DHRSX: variants seen among roughly 807,000 people sequenced by gnomAD.
DHRSX encodes dehydrogenase/reductase X-linked, also known as polyprenol dehydrogenase.
A neutral mutation model predicts 34.0 loss-of-function variants in DHRSX; 31 were observed. The ratio of observed to expected loss-of-function variants is 0.91; its 90% confidence interval spans 0.69 to 1.23. The LOEUF (loss-of-function observed/expected upper bound fraction) is 1.23. Among genes scored for constraint, DHRSX ranks in the 50% most tolerant of loss-of-function variants. The probability of loss-of-function intolerance (pLI) is 0.00; values close to 1 mark genes in which losing one functional copy is unlikely to be tolerated. For synonymous variants in DHRSX, 201 were observed against 183.8 expected (o/e 1.09, Z -0.76); for missense variants, 414 against 428.1 (o/e 0.97, Z 0.29).
At chrX:2,417,585 A>C (rs1262499944) in intron 2 of DHRSX, among the ~76,000 whole-genome samples, 1 of 151,938 alleles carries the variant, frequency 6.6e-6, no homozygotes, top group Admixed American at 6.6e-5. Flanking sequence ...GATCTAACCC[A>C]ATTAGACGTC....
chrX:2,490,465 C>G (rs148228932), intron 1 of DHRSX: 22 of 1,613,988 alleles, frequency 1.4e-5, no homozygotes, highest in South Asian at 1.3e-4. Context: ...CTTCACGCAT[C>G]TGCTCCGTGT....
chrX:2,320,907 C>G (rs943803677), intron 3 of DHRSX, among the ~76,000 whole-genome samples: 1 of 152,130 alleles, frequency 6.6e-6, no homozygotes, highest in Non-Finnish European at 1.5e-5. Context: ...TACAGCCTGT[C>G]TGCCTGAGGG....
chrX:2,293,327 G>A (rs1256184917), intron 3 of DHRSX, among the ~76,000 whole-genome samples: 5 of 151,330 alleles, frequency 3.3e-5, no homozygotes, highest in Non-Finnish European at 7.4e-5. Flanking sequence ...AAATTCACAG[G>A]TATATAATTC....
At chrX:2,438,573 C>G (rs1272254240) in intron 1 of DHRSX, among the ~76,000 whole-genome samples, 1 of 151,092 alleles carries the variant, frequency 6.6e-6, no homozygotes, top group Non-Finnish European at 1.5e-5. Context: ...GAGGGTGAGG[C>G]AGGAGAATCG....
intron 3 of DHRSX, among the ~76,000 whole-genome samples, chrX:2,311,750 G>A (rs62593064): frequency 0.14 from 21,725 of 152,108 alleles, 2,057 homozygotes; most frequent in Admixed American, 0.22. Context: ...CTGGGAATGC[G>A]TTGAAACCAT....
intron 6 of DHRSX, among the ~76,000 whole-genome samples, chrX:2,236,947 G>A (rs971150617): frequency 2.6e-5 from 4 of 151,864 alleles, no homozygotes; most frequent in African/African-American, 7.3e-5. Context: ...CCAGCACTTC[G>A]GCAGGCCGAG....
At chrX:2,298,966 C>G (rs1216901361) in intron 3 of DHRSX, among the ~76,000 whole-genome samples, 1 of 100,722 alleles carries the variant, frequency 9.9e-6, no homozygotes, top group Non-Finnish European at 1.8e-5. Context: ...GCCTGGGCAA[C>G]AAGAGTGAAA....
chrX:2,330,051 TGA>T (rs1417813455), intron 3 of DHRSX, among the ~76,000 whole-genome samples: 1 of 92,584 alleles, frequency 1.1e-5, no homozygotes, highest in Non-Finnish European at 2.0e-5. Flanking sequence ...TGAGAGTGAA[TGA>T]GAGAGAAGCA....
intron 2 of DHRSX, among the ~76,000 whole-genome samples, chrX:2,423,306 T>C (rs75897095): frequency 2.0e-5 from 3 of 151,730 alleles, no homozygotes; most frequent in Non-Finnish European, 4.4e-5. Flanking sequence ...CCAGCTACTC[T>C]GGAGGCTGAG....
chrX:2,236,558 A>C (rs2016020304), intron 6 of DHRSX, among the ~76,000 whole-genome samples: 1 of 151,976 alleles, frequency 6.6e-6, no homozygotes, highest in Admixed American at 6.6e-5. Context: ...CAGCCTCCCG[A>C]GTAGCTGGGA....
At chrX:2,488,422 A>C in intron 1 of DHRSX, 3 of 584,640 alleles carry the variant, frequency 5.1e-6, no homozygotes, top group Non-Finnish European at 8.5e-6. Flanking sequence ...TGATCTGCCC[A>C]CCTCGGCCTC....
At chrX:2,496,984 G>A (rs1235674998) in intron 1 of DHRSX, among the ~76,000 whole-genome samples, 1 of 151,760 alleles carries the variant, frequency 6.6e-6, no homozygotes, top group East Asian at 1.9e-4. Context: ...TAAATAGATT[G>A]TTAAATATGT....
chrX:2,375,882 C>T (rs770783677), intron 3 of DHRSX, among the ~76,000 whole-genome samples: 3 of 136,736 alleles, frequency 2.2e-5, no homozygotes, highest in Admixed American at 7.3e-5. Context: ...CCACCTGCCT[C>T]GGCCTCCCAA....
At chrX:2,453,142 C>T (rs750259233) in intron 1 of DHRSX, among the ~76,000 whole-genome samples, 5 of 152,184 alleles carry the variant, frequency 3.3e-5, no homozygotes, top group African/African-American at 1.2e-4. Flanking sequence ...ACCATATCAT[C>T]GCATATGTAG....
At chrX:2,371,318 C>T (rs1191226450) in intron 3 of DHRSX, among the ~76,000 whole-genome samples, 2 of 141,302 alleles carry the variant, frequency 1.4e-5, no homozygotes, top group African/African-American at 2.6e-5. Flanking sequence ...AGACCCTCCT[C>T]CCGTTACTAT....
intron 1 of DHRSX, chrX:2,488,748 C>T (rs749663994): frequency 1.9e-6 from 3 of 1,613,984 alleles, no homozygotes; most frequent in Non-Finnish European, 2.5e-6. Flanking sequence ...TCCTCGGGTT[C>T]CGCCTCTGCC....
intron 1 of DHRSX, chrX:2,487,795 G>A (rs961601537): frequency 2.7e-5 from 4 of 150,308 alleles, no homozygotes; most frequent in East Asian, 2.0e-4. Flanking sequence ...ATTTTTAACC[G>A]AACATTAAAA....
At chrX:2,362,951 C>A (rs1466575843) in intron 3 of DHRSX, among the ~76,000 whole-genome samples, 1 of 116,244 alleles carries the variant, frequency 8.6e-6, no homozygotes, top group Non-Finnish European at 2.1e-5. Flanking sequence ...TGGTATCATG[C>A]CATTTTATCA....
At chrX:2,282,746 G>T in intron 4 of DHRSX, among the ~76,000 whole-genome samples, 1 of 140,346 alleles carries the variant, frequency 7.1e-6, no homozygotes. Context: ...GGGAGAATGG[G>T]AGAGAGAGAA....
Sources: gnomAD v4.1 joint callset for allele counts (sites outside exome capture counted in the v4.1 genomes callset) on GRCh38, gnomAD v4.1.1 for gene constraint, MANE v1.5 for transcripts, NCBI Gene and HGNC (gene_info 2026-07-23, HGNC 2026-07-21) for gene names.